Variants in PSD2 observed in about 807,000 individuals in gnomAD.
PSD2 encodes pleckstrin and Sec7 domain containing 2.
In PSD2, 38 loss-of-function variants were observed where a neutral mutation model predicts 69.8. That is an observed-to-expected ratio of 0.54 (90% CI 0.42 to 0.71). The LOEUF (loss-of-function observed/expected upper bound fraction) is 0.71, where lower values mean the gene tolerates loss of function less well. Among genes scored for constraint, PSD2 ranks in the 30% least tolerant of loss-of-function variants. The pLI is 0.00. For missense variants in PSD2, 943 were observed against 1,014.5 expected (o/e 0.93, Z 0.96); for synonymous variants, 412 against 423.0 (o/e 0.97, Z 0.32).
chr5:139,750,162 A>G, the PSD2 span, among the ~76,000 whole-genome samples: 1 of 151,982 alleles, frequency 6.6e-6, no homozygotes, highest in Non-Finnish European at 1.5e-5. Flanking sequence ...CGTCTCTACT[A>G]AAAATACAAA....
the PSD2 span, among the ~76,000 whole-genome samples, chr5:139,770,991 A>G: frequency 2.6e-5 from 4 of 152,250 alleles, no homozygotes; most frequent in Non-Finnish European, 2.9e-5. Context: ...AGTCATTTAG[A>G]TTTTTCATTT....
At chr5:139,815,095 T>A (rs947963711) in intron 4 of PSD2, among the ~76,000 whole-genome samples, 2 of 152,176 alleles carry the variant, frequency 1.3e-5, no homozygotes, top group Non-Finnish European at 2.9e-5. Flanking sequence ...CAGACCCTTG[T>A]CCATGAGTGG....
In PSD2 at chr5:139,814,213, C is replaced by A. The variant is rs765956919; in HGVS notation, c.865C>A (p.Leu289Ile). 1 of 1,613,828 alleles carries A rather than the reference C, an allele frequency of 6.2e-7. No homozygotes were observed. Among genetic ancestry groups the A allele is most frequent in the East Asian group, 2.2e-5 (1 of 44,858 alleles). Residue 289 changes from leucine to isoleucine, a missense_variant, in exon 4 of 15, where the codon CTC becomes ATC. Leu to Ile is a conservative substitution (Grantham distance 5). This residue lies in a region of PSD2 where 466 missense variants were observed against 445.0 expected (regional missense o/e 1.05). Coordinates refer to ENST00000274710, the MANE Select transcript of PSD2 (RefSeq NM_032289.4). This position sits in a 1 kb window ranked among gnomAD's most constrained non-coding sequence, Gnocchi z 4.4. ...TGGCCTGTCAGACTCAGACTCTGAG[C>A]TCAGCAGCTCGGAGGGGTTGGAGCC... ...KDGLSDSDSE[L>I]SSSEGLEPGS...
upstream of PSD2, among the ~76,000 whole-genome samples, chr5:139,793,529 A>G (rs1050990056): frequency 3.3e-5 from 5 of 152,202 alleles, no homozygotes; most frequent in African/African-American, 1.2e-4. Context: ...TACAAAGGAC[A>G]GGGGGCAGAT....
chr5:139,750,091 C>T, the PSD2 span, among the ~76,000 whole-genome samples: 9 of 151,442 alleles, frequency 5.9e-5, no homozygotes, highest in Non-Finnish European at 1.3e-4. Flanking sequence ...TTTGGGAGGC[C>T]GAGGTGGGTG....
chr5:139,752,452 T>G, the PSD2 span, among the ~76,000 whole-genome samples: 1 of 151,778 alleles, frequency 6.6e-6, no homozygotes, highest in African/African-American at 2.4e-5. Context: ...ACGCACACAC[T>G]CACACTCAAG....
chr5:139,813,711 T>A lies in PSD2; in HGVS notation c.774T>A (p.Asp258Glu). The A allele has an allele frequency of 6.2e-7, 1 of 1,612,562 alleles. No homozygotes were observed. Among genetic ancestry groups the A allele is most frequent in the Non-Finnish European group, 8.5e-7 (1 of 1,179,338 alleles). The part of the protein sequence containing the change: ...HEDGPQGPGG[D>E]EDDDEEDTDK... ...ATGGCCCTCAGGGCCCAGGGGGGGA[T>A]GAGGATGATGATGAGGAGGACACGG... The change falls in exon 3 of 15, where the codon GAT (aspartate) becomes GAA (glutamate). Residue 258 changes from aspartate (D) to glutamate (E), a missense_variant. By Grantham distance (45) the Asp-to-Glu change is conservative. This residue lies in a region of PSD2 where 466 missense variants were observed against 445.0 expected (regional missense o/e 1.05). Transcript: ENST00000274710.
At chr5:139,772,035 C>G in the PSD2 span, among the ~76,000 whole-genome samples, 30 of 152,136 alleles carry the variant, frequency 2.0e-4, no homozygotes, top group Non-Finnish European at 4.1e-4. Context: ...TTGGCTTGCT[C>G]TTAGGGGACA....
Position 139,836,924 on chromosome 5 carries a change from C to T in PSD2, c.1517C>T (p.Pro506Leu). The T allele has an allele frequency of 1.2e-6, 2 of 1,614,146 alleles. No homozygotes were observed. The highest frequency in any genetic ancestry group is 1.7e-6 in the Non-Finnish European group (2 of 1,180,028). Reference protein sequence around the residue: ...LDGGNPFLDVPQALSATTYKH... With the variant: ...LDGGNPFLDVLQALSATTYKH... ...GGTGGCAACCCCTTCCTGGATGTCC[C>T]ACAGGCGCTCAGTGCCACCACCTAC... The change falls in exon 10 of 15, where the codon CCA (proline) becomes CTA (leucine). Residue 506 changes from proline to leucine, a missense_variant. Transcript: ENST00000274710.
intron 1 of PSD2, among the ~76,000 whole-genome samples, chr5:139,797,175 C>T (rs1759553621): frequency 6.6e-6 from 1 of 152,216 alleles, no homozygotes; most frequent in African/African-American, 2.4e-5. Flanking sequence ...CTGGGATCTC[C>T]GAATCAGTAA....
intron 5 of PSD2, among the ~76,000 whole-genome samples, chr5:139,821,530 C>A (rs1467064411): frequency 2.0e-5 from 3 of 152,186 alleles, no homozygotes; most frequent in African/African-American, 7.2e-5. Context: ...GAAGGGCAGG[C>A]AGGGACAGGG....
chr5:139,805,851 GC>G (rs1385001708), intron 1 of PSD2, among the ~76,000 whole-genome samples: 1 of 152,190 alleles, frequency 6.6e-6, no homozygotes, highest in African/African-American at 2.4e-5. Context: ...ACCTTTTCAG[GC>G]CATGCTGGGG....
chr5:139,770,043 G>A, the PSD2 span, among the ~76,000 whole-genome samples: 1 of 152,228 alleles, frequency 6.6e-6, no homozygotes, highest in Non-Finnish European at 1.5e-5. Context: ...CATGCGGGCC[G>A]GCTGGGGCTC....
chr5:139,756,119 GGCTTTGTGT>G, the PSD2 span, among the ~76,000 whole-genome samples: 1 of 152,180 alleles, frequency 6.6e-6, no homozygotes, highest in East Asian at 1.9e-4. Context: ...AGTCGGCGGC[GGCTTTGTGT>G]GCACCGGCCG....
At chr5:139,770,123 C>T in the PSD2 span, among the ~76,000 whole-genome samples, 2 of 152,112 alleles carry the variant, frequency 1.3e-5, no homozygotes, top group Non-Finnish European at 2.9e-5. Flanking sequence ...TGTGGGGGCT[C>T]AGCAAGACTC....
At chr5:139,757,722 C>T in the PSD2 span, among the ~76,000 whole-genome samples, 1 of 152,198 alleles carries the variant, frequency 6.6e-6, no homozygotes, top group Non-Finnish European at 1.5e-5. Flanking sequence ...CTGTTCTTAA[C>T]TAAAAGCAGG....
At chr5:139,822,663 AGGAG>A (rs1554095763) in intron 6 of PSD2, 59 bp from the exon 7 acceptor site, 1 of 1,465,046 alleles carries the variant, frequency 6.8e-7, no homozygotes, top group African/African-American at 1.4e-5. Flanking sequence ...GGGTTCCGTC[AGGAG>A]ACAGGGAGTG....
At chr5:139,832,083 G>T (rs1760609931) in intron 7 of PSD2, among the ~76,000 whole-genome samples, 1 of 152,178 alleles carries the variant, frequency 6.6e-6, no homozygotes, top group Admixed American at 6.5e-5. Context: ...CACTGCTTTT[G>T]TAAAGCCTCC....
At chr5:139,742,538 T>C in the PSD2 span, 1 of 152,560 alleles carries the variant, frequency 6.6e-6, no homozygotes, top group Non-Finnish European at 1.5e-5. Flanking sequence ...CAGTGATCTA[T>C]GGACCTCAGG....
Sources: gnomAD v4.1 joint callset for allele counts (sites outside exome capture counted in the v4.1 genomes callset) on GRCh38, gnomAD v4.1.1 for gene constraint, gnomAD v4.1.1 regional missense constraint, Gnocchi (gnomAD v3.1) non-coding constraint, MANE v1.5 for transcripts, NCBI Gene and HGNC (gene_info 2026-07-23, HGNC 2026-07-21) for gene names.